The following CNOT10 variants were observed in gnomAD, a reference collection of about 807,000 sequenced individuals.
CNOT10 encodes CCR4-NOT transcription complex subunit 10, also known as CCR4-NOT transcription complex, subunit 10.
CNOT10 carries 30 observed loss-of-function variants against 94.6 expected under a neutral mutation model. The observed-to-expected ratio is 0.32, with a 90% CI of 0.24 to 0.43. The LOEUF is 0.43. Ranked by LOEUF, CNOT10 falls within the 20% of genes least tolerant of loss-of-function variation. The pLI, the probability that CNOT10 is intolerant of heterozygous loss-of-function variation, is 1.00. For missense variants in CNOT10, 759 were observed against 877.2 expected (o/e 0.87, Z 1.70); for synonymous variants, 289 against 301.6 (o/e 0.96, Z 0.43).
chr3:32,685,341 G>C lies in CNOT10; in HGVS notation c.-120G>C. On this transcript the variant is annotated 5_prime_UTR_variant, in exon 1 of 19. Coordinates refer to ENST00000328834, the MANE Select transcript of CNOT10 (RefSeq NM_015442.3). ...CTGCCCACTCCTCTAGCCGGAACCT[G>C]GGGGCCCGGAGCCGGGGTAGGCACA... 1 of 1,199,994 alleles carries C rather than the reference G, an allele frequency of 8.3e-7. No individual in the cohort carries two copies. Among genetic ancestry groups the C allele is most frequent in the Non-Finnish European group, 1.2e-6 (1 of 836,988 alleles). The allele number at this position is 1,199,994 out of a possible 1,614,324, so 74.3% of individuals were successfully genotyped here.
intron 1 of CNOT10, among the ~76,000 whole-genome samples, chr3:32,685,706 C>T (rs1220699215): frequency 6.6e-6 from 1 of 152,164 alleles, no homozygotes; most frequent in Non-Finnish European, 1.5e-5. Flanking sequence ...TCGCCACTGG[C>T]CGCCTTTGCC....
chr3:32,703,499 G>T (rs1165198215), intron 1 of CNOT10, among the ~76,000 whole-genome samples: 4 of 152,080 alleles, frequency 2.6e-5, no homozygotes, highest in Admixed American at 2.6e-4. Context: ...TCTGAATGTG[G>T]TTTCTCTTTC....
At chr3:32,719,939 G>T (rs1400563036) in intron 7 of CNOT10, among the ~76,000 whole-genome samples, 175 bp from the exon 8 acceptor site, 2 of 152,080 alleles carry the variant, frequency 1.3e-5, no homozygotes, top group Non-Finnish European at 2.9e-5. Flanking sequence ...TCTCTGACAA[G>T]TTTCAATTTT....
intron 13 of CNOT10, among the ~76,000 whole-genome samples, chr3:32,739,772 A>G (rs1474581355): frequency 6.6e-6 from 1 of 152,078 alleles, no homozygotes; most frequent in Non-Finnish European, 1.5e-5. Flanking sequence ...TAAAAATACA[A>G]AAGTTGGCCA....
At chr3:32,772,899 T>C (rs1374295172) in intron 18 of CNOT10, among the ~76,000 whole-genome samples, 1 of 152,158 alleles carries the variant, frequency 6.6e-6, no homozygotes, top group African/African-American at 2.4e-5. Context: ...AGGGTCTCAC[T>C]TTGTCACCCA....
At chr3:32,750,353 G>T (rs1466446760) in intron 13 of CNOT10, among the ~76,000 whole-genome samples, 1 of 151,928 alleles carries the variant, frequency 6.6e-6, no homozygotes, top group Non-Finnish European at 1.5e-5. Flanking sequence ...AAATTAGCCA[G>T]GTGCGGTGTT....
At chr3:32,712,356 C>T (rs140118892) in intron 4 of CNOT10, among the ~76,000 whole-genome samples, 1 of 152,332 alleles carries the variant, frequency 6.6e-6, no homozygotes, top group African/African-American at 2.4e-5. Context: ...AGAGACCACA[C>T]ATACCTAGTT....
chr3:32,709,124 T>C (rs1474468959), intron 4 of CNOT10, among the ~76,000 whole-genome samples: 1 of 152,234 alleles, frequency 6.6e-6, no homozygotes, highest in Non-Finnish European at 1.5e-5. Context: ...TTTCTTACTT[T>C]AGTACATTAA....
At chr3:32,733,566 A>C in intron 11 of CNOT10, 22 bp downstream of exon 11, 1 of 1,429,930 alleles carries the variant, frequency 7.0e-7, no homozygotes, top group Non-Finnish European at 9.6e-7. Flanking sequence ...GCAAAGAAAA[A>C]GTGTATATAT....
chr3:32,754,406 G>A (rs113401489), intron 13 of CNOT10, among the ~76,000 whole-genome samples: 3,851 of 141,176 alleles, frequency 0.027, 75 homozygotes, highest in South Asian at 0.059. Flanking sequence ...GAACCTGGGA[G>A]GCGGAGCTTG....
chr3:32,747,576 G>A (rs1270279622), intron 13 of CNOT10, among the ~76,000 whole-genome samples: 1 of 148,884 alleles, frequency 6.7e-6, no homozygotes. Context: ...AAAAAAATCT[G>A]TACCACAAAC....
At chr3:32,746,255 A>G (rs1490853611) in intron 13 of CNOT10, among the ~76,000 whole-genome samples, 2 of 152,200 alleles carry the variant, frequency 1.3e-5, no homozygotes, top group Non-Finnish European at 2.9e-5. Flanking sequence ...GACCAGGATC[A>G]TGGTAGACTA....
chr3:32,771,414 A>G (rs1700900164), intron 18 of CNOT10, among the ~76,000 whole-genome samples: 1 of 152,174 alleles, frequency 6.6e-6, no homozygotes, highest in Non-Finnish European at 1.5e-5. Flanking sequence ...CAGCCTAGCC[A>G]ACATGGTAAA....
chr3:32,741,908 T>A (rs770103579), intron 13 of CNOT10, among the ~76,000 whole-genome samples: 2 of 151,982 alleles, frequency 1.3e-5, no homozygotes, highest in African/African-American at 2.4e-5. Flanking sequence ...TTTAAAAAAA[T>A]TTATTTTTTC....
chr3:32,767,497 C>T (rs1456522528), intron 17 of CNOT10, among the ~76,000 whole-genome samples: 1 of 108,994 alleles, frequency 9.2e-6, no homozygotes, highest in Non-Finnish European at 1.7e-5. Context: ...ACAGCCTGGG[C>T]AACAAGAGCG....
chr3:32,692,832 G>A (rs1696905493), intron 1 of CNOT10, among the ~76,000 whole-genome samples: 1 of 152,122 alleles, frequency 6.6e-6, no homozygotes, highest in Non-Finnish European at 1.5e-5. Flanking sequence ...GATCGCTTGA[G>A]CCCAGGAGTT....
rs552307533 is a variant in CNOT10 at position 32,716,115 on chromosome 3, A to G, written c.574-110A>G. On this transcript the variant is annotated intron_variant, in intron 5 of 18. Coordinates refer to ENST00000328834, the MANE Select transcript of CNOT10 (RefSeq NM_015442.3). ...AACCACCATTTCCCACAAATTCTACATTTTGAAAATGCTCTCTAGGTAATT... is the reference window on the plus strand; with the variant it reads ...AACCACCATTTCCCACAAATTCTACGTTTTGAAAATGCTCTCTAGGTAATT... 3 of 553,224 alleles carry G rather than the reference A, an allele frequency of 5.4e-6. No homozygotes were observed. The East Asian group carries it at 9.4e-5, about 17-fold the overall frequency. 34.3% of individuals were successfully genotyped at this position (553,224 alleles called of 1,614,324 possible). A position where few individuals can be genotyped will look rare whatever the true frequency, so the allele number is the denominator to read the frequency against.
At chr3:32,687,447 T>TTTTG (rs1559471689) in intron 1 of CNOT10, among the ~76,000 whole-genome samples, 1 of 73,448 alleles carries the variant, frequency 1.4e-5, no homozygotes, top group African/African-American at 5.9e-5. Flanking sequence ...CGGTTTTTTT[T>TTTTG]TTTTGTTTTT....
intron 17 of CNOT10, among the ~76,000 whole-genome samples, chr3:32,766,619 C>T (rs968632603): frequency 4.6e-5 from 6 of 129,152 alleles, no homozygotes; most frequent in Admixed American, 1.7e-4. Flanking sequence ...GGCAACAGAG[C>T]GGGACTCTGT....
Sources: allele counts gnomAD v4.1 joint callset (sites outside exome capture counted in the v4.1 genomes callset), GRCh38; gene constraint gnomAD v4.1.1; transcripts MANE v1.5; gene names NCBI Gene and HGNC (gene_info 2026-07-23, HGNC 2026-07-21).